The following MYO5A variants were observed in gnomAD, a reference collection of about 807,000 sequenced individuals.
MYO5A encodes unconventional myosin-Va.
Under a neutral mutation model 249.7 loss-of-function variants are expected in MYO5A, and 98 were observed. That is an observed-to-expected ratio of 0.39 (90% CI 0.33 to 0.46). The LOEUF is 0.46. Among genes scored for constraint, MYO5A ranks in the 20% least tolerant of loss-of-function variants. The pLI, the probability that MYO5A is intolerant of heterozygous loss-of-function variation, is 0.98. For missense variants in MYO5A, 1,696 were observed against 2,308.8 expected (o/e 0.73, Z 5.44); for synonymous variants, 778 against 810.6 (o/e 0.96, Z 0.68).
intron 2 of MYO5A, among the ~76,000 whole-genome samples, chr15:52,429,319 C>G (rs1595665850): frequency 6.6e-6 from 1 of 152,276 alleles, no homozygotes; most frequent in East Asian, 1.9e-4. Context: ...TTTGGGAAGC[C>G]AAGGCGGGCG....
At chr15:52,427,467 G>T (rs1374558930) in intron 3 of MYO5A, among the ~76,000 whole-genome samples, 1 of 152,084 alleles carries the variant, frequency 6.6e-6, no homozygotes, top group East Asian at 1.9e-4. Flanking sequence ...TTTCTGACTT[G>T]ATAGGGTGGC....
chr15:52,379,778 T>C lies in MYO5A; in HGVS notation c.2099+44A>G, dbSNP rs372106377. 198 of 1,613,722 alleles carry C rather than the reference T, an allele frequency of 1.2e-4. No individual in the cohort carries two copies. The African/African-American group carries it at 2.4e-3, about 20-fold the overall frequency. On this transcript the variant is annotated intron_variant, in intron 17 of 41. Transcript: ENST00000399233. ...TGAGTTTACTTAAAGAACTAGGATCTTCTCCCATTAGGATCCCTTACATCT... is the reference window on the plus strand; with the variant it reads ...TGAGTTTACTTAAAGAACTAGGATCCTCTCCCATTAGGATCCCTTACATCT...
chr15:52,434,003 T>C lies in MYO5A; in HGVS notation c.28-718A>G, dbSNP rs1225611470. Reference sequence around the variant, plus strand: ...ATTTTTTTGTTCTTTCTTTTTCTTTTTTTTTTTTTTTTTTGAGATACAGTC... The same window carrying C: ...ATTTTTTTGTTCTTTCTTTTTCTTTCTTTTTTTTTTTTTTGAGATACAGTC... On this transcript the variant is annotated intron_variant, in intron 1 of 41. Transcript: ENST00000399233. 8.7e-5 allele frequency among the ~76,000 whole-genome samples: 13 copies of C among 148,658 alleles called. 1 individual carries two copies. Among genetic ancestry groups the C allele is most frequent in the Admixed American group, 4.0e-4 (6 of 14,996 alleles).
intron 1 of MYO5A, among the ~76,000 whole-genome samples, chr15:52,501,428 C>T (rs376300838): frequency 5.9e-5 from 9 of 151,998 alleles, no homozygotes; most frequent in Admixed American, 3.3e-4. Flanking sequence ...TGTGAGGCCC[C>T]GTTTCTACAA....
At chr15:52,361,510 G>C (rs144089619) in intron 24 of MYO5A, among the ~76,000 whole-genome samples, 171 of 152,248 alleles carry the variant, frequency 1.1e-3, no homozygotes, top group African/African-American at 4.0e-3. Context: ...AAGTGCTCTG[G>C]ATCTGAAACG....
At chr15:52,423,622 T>C (rs893726865) in intron 4 of MYO5A, among the ~76,000 whole-genome samples, 3 of 151,986 alleles carry the variant, frequency 2.0e-5, no homozygotes, top group African/African-American at 7.3e-5. Context: ...TAAGCCTGAA[T>C]AGATACACTC....
rs2038186674 is a variant in MYO5A, at chr15:52,319,324, T to C, written c.4970A>G (p.His1657Arg). 1 of 1,614,054 alleles carries C rather than the reference T, an allele frequency of 6.2e-7. No homozygotes were observed. Among genetic ancestry groups the C allele is most frequent in the Admixed American group, 1.7e-5 (1 of 60,008 alleles). The change falls in exon 39 of 42, where the codon CAT (histidine) becomes CGT (arginine). Residue 1657 changes from histidine to arginine, a missense_variant. Physicochemically the swap from His to Arg is conservative, Grantham distance 29. Transcript: ENST00000399233. Reference sequence around the variant, plus strand: ...CCCAGACACGCCCTGAATCGTTTCATGTTCCAGCATGCCTGAGACTGCAGG... The same window carrying C: ...CCCAGACACGCCCTGAATCGTTTCACGTTCCAGCATGCCTGAGACTGCAGG... ...QPMIVSGMLE[H>R]ETIQGVSGVK...
At chr15:52,504,705 G>C (rs1264671887) in intron 1 of MYO5A, among the ~76,000 whole-genome samples, 2 of 151,924 alleles carry the variant, frequency 1.3e-5, no homozygotes, top group Non-Finnish European at 2.9e-5. Flanking sequence ...TTCAAGACCA[G>C]ATGGTGAAAC....
intron 12 of MYO5A, among the ~76,000 whole-genome samples, chr15:52,390,566 T>C (rs564171246): frequency 1.3e-5 from 2 of 150,286 alleles, no homozygotes; most frequent in East Asian, 1.9e-4. Flanking sequence ...TTTTCTTTTT[T>C]TTTTTTTTTT....
intron 1 of MYO5A, among the ~76,000 whole-genome samples, chr15:52,515,692 G>C (rs1335674104): frequency 6.6e-6 from 1 of 152,154 alleles, no homozygotes; most frequent in African/African-American, 2.4e-5. Context: ...GCTGGGTTTG[G>C]GGGGCTTGTG....
At chr15:52,446,304 A>G (rs1221286911) in intron 1 of MYO5A, among the ~76,000 whole-genome samples, 4 of 152,266 alleles carry the variant, frequency 2.6e-5, no homozygotes, top group Admixed American at 6.5e-5. Flanking sequence ...GCCGGGGTAC[A>G]GCTCAAGCTG....
chr15:52,366,946 T>C (rs886178283), intron 23 of MYO5A, 85 bp downstream of exon 23: 125 of 1,120,568 alleles, frequency 1.1e-4, no homozygotes, highest in Non-Finnish European at 4.1e-6. Context: ...TTCTAAATAA[T>C]GTTGTGTAAC....
In MYO5A at chr15:52,335,516, C is replaced by CAA. The variant is rs397854139; in HGVS notation, c.4408+945_4408+946dup. ...CAGCGACAGAGCAAGACTCTGTCTCCAAAAAAAAAAAAAAAAAAAAAAAAA... is the reference window on the plus strand; with the variant it reads ...CAGCGACAGAGCAAGACTCTGTCTCCAAAAAAAAAAAAAAAAAAAAAAAAAAA... On this transcript the variant is annotated intron_variant, in intron 34 of 41. Transcript: ENST00000399233. Among the ~76,000 whole-genome samples, 266 of 63,964 alleles carry CAA rather than the reference C, an allele frequency of 4.2e-3. 3 individuals are homozygous for CAA. The highest frequency in any genetic ancestry group is 5.7e-3 in the Non-Finnish European group (176 of 30,694). The allele number at this position is 63,964 out of a possible 152,430, so 42.0% of individuals were successfully genotyped here.
Position 52,319,259 on chromosome 15 carries a change from C to T in MYO5A, c.5035G>A (p.Ala1679Thr), listed in dbSNP as rs752282340. The T allele has an allele frequency of 6.8e-6, 11 of 1,614,138 alleles. No individual in the cohort carries two copies. The highest frequency in any genetic ancestry group is 3.3e-5 in the Admixed American group (2 of 60,026). The change falls in exon 39 of 42, where the codon GCC becomes ACC. Residue 1679 changes from alanine (A) to threonine (T), a missense_variant. Physicochemically the swap from Ala to Thr is moderately conservative, Grantham distance 58. Around this residue, in one of 5 missense-constraint regions of MYO5A, gnomAD observed 625 missense variants for 908.1 expected, o/e 0.69. Transcript: ENST00000399233. The part of the protein sequence containing the change: ...TGLRKRTSSI[A>T]DEGTYTLDSI... ...TCCAGTGTGTAGGTGCCCTCATCGGCGATACTGGAGGTTCGCTTTCTCAAC... is the reference window on the plus strand; with the variant it reads ...TCCAGTGTGTAGGTGCCCTCATCGGTGATACTGGAGGTTCGCTTTCTCAAC...
chr15:52,375,505 A>T, intron 19 of MYO5A, 45 bp from the exon 20 acceptor site: 1 of 1,602,274 alleles, frequency 6.2e-7, no homozygotes, highest in Non-Finnish European at 8.5e-7. Context: ...TCAGAAAAAA[A>T]TGCAGGAATA....
chr15:52,512,396 A>G (rs1429579184), intron 1 of MYO5A, among the ~76,000 whole-genome samples: 1 of 152,184 alleles, frequency 6.6e-6, no homozygotes, highest in Non-Finnish European at 1.5e-5. Flanking sequence ...TGATTAATGC[A>G]ATATAATACT....
intron 1 of MYO5A, among the ~76,000 whole-genome samples, chr15:52,494,609 C>G (rs1363985178): frequency 3.9e-5 from 6 of 152,200 alleles, no homozygotes; most frequent in Admixed American, 3.9e-4. Flanking sequence ...TCTCCTGACT[C>G]AGCCTCCCGA....
chr15:52,504,888 CA>C (rs200081974), intron 1 of MYO5A, among the ~76,000 whole-genome samples: 22,208 of 128,564 alleles, frequency 0.17, 1,713 homozygotes, highest in Middle Eastern at 0.24. Flanking sequence ...GACTCCATCT[CA>C]AAAAAAAAAA....
chr15:52,346,747 T>C, intron 29 of MYO5A: 1 of 435,048 alleles, frequency 2.3e-6, no homozygotes, highest in South Asian at 2.0e-5. Flanking sequence ...TGATGGGCCA[T>C]ATATGTGTTT....
Sources: gnomAD v4.1 joint callset for allele counts (sites outside exome capture counted in the v4.1 genomes callset) on GRCh38, gnomAD v4.1.1 for gene constraint, gnomAD v4.1.1 regional missense constraint, MANE v1.5 for transcripts, NCBI Gene and HGNC (gene_info 2026-07-23, HGNC 2026-07-21) for gene names.